AUTS2: variants seen among roughly 807,000 people sequenced by gnomAD.
The protein encoded by AUTS2 is autism susceptibility gene 2 protein.
A neutral mutation model predicts 112.4 loss-of-function variants in AUTS2; 17 were observed. That is an observed-to-expected ratio of 0.15 (90% CI 0.10 to 0.23). The LOEUF is 0.23. AUTS2 is among the 10% of genes least tolerant of loss of function. The probability of loss-of-function intolerance (pLI) is 1.00; values close to 1 mark genes in which losing one functional copy is unlikely to be tolerated. For synonymous variants in AUTS2, 751 were observed against 702.7 expected, an observed-to-expected ratio of 1.07 and a Z score of -1.09; for missense variants, 1,510 against 1,701.6, an observed-to-expected ratio of 0.89 and a Z score of 1.98.
intron 4 of AUTS2, among the ~76,000 whole-genome samples, chr7:70,378,449 A>G (rs554026496): frequency 1.1e-4 from 17 of 152,372 alleles, no homozygotes; most frequent in Middle Eastern, 3.4e-3. Context: ...AAAAAGATCT[A>G]TGAGAACAAG....
At chr7:70,394,815 C>T (rs375555856) in intron 4 of AUTS2, among the ~76,000 whole-genome samples, 9 of 151,952 alleles carry the variant, frequency 5.9e-5, no homozygotes, top group African/African-American at 1.4e-4. Flanking sequence ...TTGTGGCTCA[C>T]GCCTGTAATC....
At chr7:70,166,377 A>G (rs1308247860) in intron 4 of AUTS2, among the ~76,000 whole-genome samples, 1 of 152,242 alleles carries the variant, frequency 6.6e-6, no homozygotes, top group East Asian at 1.9e-4. Flanking sequence ...GCTGGTTTAA[A>G]GCAAAAATAA....
intron 6 of AUTS2, among the ~76,000 whole-genome samples, chr7:70,724,041 G>A (rs182697218): frequency 1.5e-4 from 23 of 151,978 alleles, no homozygotes; most frequent in Admixed American, 1.2e-3. Flanking sequence ...ATGGGCACCT[G>A]CCACCACACC....
intron 2 of AUTS2, among the ~76,000 whole-genome samples, chr7:69,973,331 G>C (rs1051619466): frequency 3.9e-5 from 6 of 152,130 alleles, no homozygotes; most frequent in Non-Finnish European, 7.4e-5. Context: ...CTTATTTGTA[G>C]TTCTTTGAAA....
At chr7:69,739,145 C>A (rs1787160182) in intron 1 of AUTS2, among the ~76,000 whole-genome samples, 1 of 152,054 alleles carries the variant, frequency 6.6e-6, no homozygotes, top group South Asian at 2.1e-4. Context: ...TAACAACCCA[C>A]CACCTTCACT....
intron 4 of AUTS2, among the ~76,000 whole-genome samples, chr7:70,320,203 C>T (rs1414376678): frequency 6.6e-6 from 1 of 152,158 alleles, no homozygotes; most frequent in Non-Finnish European, 1.5e-5. Context: ...AACTTTAAGG[C>T]ACAGAGGTTA....
At chr7:69,741,544 A>G (rs920154102) in intron 1 of AUTS2, among the ~76,000 whole-genome samples, 6 of 152,026 alleles carry the variant, frequency 3.9e-5, no homozygotes, top group Non-Finnish European at 2.9e-5. Flanking sequence ...GCCTCTACTA[A>G]AAATAAAAAA....
chr7:70,152,121 G>A (rs951738921), intron 4 of AUTS2, among the ~76,000 whole-genome samples: 4 of 152,098 alleles, frequency 2.6e-5, no homozygotes, highest in Admixed American at 1.3e-4. Flanking sequence ...CATAGCAACA[G>A]AAACTAGCCA....
chr7:70,680,260 A>G (rs17142011), intron 5 of AUTS2, among the ~76,000 whole-genome samples: 15,703 of 152,228 alleles, frequency 0.1, 956 homozygotes, highest in African/African-American at 0.16. Flanking sequence ...TAGGTACCAG[A>G]TCATAAAGAA....
chr7:70,539,642 A>T (rs990753098), intron 5 of AUTS2, among the ~76,000 whole-genome samples: 2 of 152,292 alleles, frequency 1.3e-5, no homozygotes, highest in African/African-American at 2.4e-5. Flanking sequence ...CATAAAGTTA[A>T]ATGGACTATT....
chr7:69,615,181 C>A (rs1793300728), intron 1 of AUTS2, among the ~76,000 whole-genome samples: 1 of 152,072 alleles, frequency 6.6e-6, no homozygotes, highest in Non-Finnish European at 1.5e-5. Context: ...GTCTATAATA[C>A]CCCTGTTGTG....
chr7:70,538,150 T>C (rs1286820122), intron 5 of AUTS2, among the ~76,000 whole-genome samples: 3 of 152,148 alleles, frequency 2.0e-5, no homozygotes, highest in Non-Finnish European at 1.5e-5. Context: ...GGCTGGAGGA[T>C]CACTTGAGCT....
chr7:69,665,915 C>T (rs139923846), intron 1 of AUTS2, among the ~76,000 whole-genome samples: 194 of 152,208 alleles, frequency 1.3e-3, no homozygotes, highest in African/African-American at 4.3e-3. Flanking sequence ...ATTAGAAATG[C>T]GCATACCTGG....
intron 6 of AUTS2, among the ~76,000 whole-genome samples, chr7:70,731,304 G>C (rs7794753): frequency 0.058 from 8,752 of 150,260 alleles, 335 homozygotes; most frequent in Non-Finnish European, 0.089. Context: ...TCCAAATGAC[G>C]GTCAAGAAGA....
At chr7:69,725,735 G>A (rs1005531724) in intron 1 of AUTS2, among the ~76,000 whole-genome samples, 1 of 152,146 alleles carries the variant, frequency 6.6e-6, no homozygotes, top group Admixed American at 6.6e-5. Context: ...CTGGTAAATT[G>A]CACTGAGAAT....
Position 70,632,761 on chromosome 7 carries a change from A to C in AUTS2, c.691-65808A>C, listed in dbSNP as rs577073904. Among the ~76,000 whole-genome samples, 5 of 152,110 alleles carry C rather than the reference A, an allele frequency of 3.3e-5. No individual in the cohort carries two copies. In the South Asian group the frequency reaches 1.0e-3, roughly 32 times the overall value. ...GTTTTCCTTTTTTGGAGCATCCCAC[A>C]GCTCATGCCATTAATGGAGTCATAA... On this transcript the variant is annotated intron_variant, in intron 5 of 18. Transcript: ENST00000342771.
At chr7:70,275,996 G>A (rs1483191248) in intron 4 of AUTS2, among the ~76,000 whole-genome samples, 1 of 152,118 alleles carries the variant, frequency 6.6e-6, no homozygotes, top group African/African-American at 2.4e-5. Flanking sequence ...GAAAATTTCT[G>A]GCAATTAGTA....
intron 5 of AUTS2, among the ~76,000 whole-genome samples, chr7:70,644,198 G>T (rs1047010006): frequency 2.0e-5 from 3 of 152,182 alleles, no homozygotes; most frequent in African/African-American, 7.2e-5. Context: ...GTTGTGGAGG[G>T]AACAAACAAA....
chr7:70,734,365 G>A (rs1459308687), intron 6 of AUTS2, among the ~76,000 whole-genome samples: 2 of 152,020 alleles, frequency 1.3e-5, no homozygotes, highest in East Asian at 1.9e-4. Flanking sequence ...GCATGAACCT[G>A]GGAAGTGGAG....
Sources: gnomAD v4.1 joint callset for allele counts (sites outside exome capture counted in the v4.1 genomes callset) on GRCh38, gnomAD v4.1.1 for gene constraint, MANE v1.5 for transcripts, NCBI Gene and HGNC (gene_info 2026-07-23, HGNC 2026-07-21) for gene names.